Variants in PRKN observed in about 807,000 individuals in gnomAD.
PRKN encodes the protein E3 ubiquitin-protein ligase parkin.
Under a neutral mutation model 59.5 loss-of-function variants are expected in PRKN, and 56 were observed. The ratio of observed to expected loss-of-function variants is 0.94; its 90% confidence interval spans 0.76 to 1.18. PRKN has a LOEUF of 1.18. PRKN is among the 50% of genes most tolerant of loss of function. PRKN has a pLI of 0.00. For missense variants in PRKN, 657 were observed against 596.4 expected (o/e 1.10, Z -1.06); for synonymous variants, 250 against 222.1 (o/e 1.13, Z -1.12).
chr6:161,504,515 C>T (rs904526744), intron 9 of PRKN, among the ~76,000 whole-genome samples: 2 of 127,646 alleles, frequency 1.6e-5, no homozygotes, highest in African/African-American at 6.1e-5. Flanking sequence ...AGACCAAACA[C>T]TGTGAAACTT....
intron 3 of PRKN, among the ~76,000 whole-genome samples, chr6:162,228,841 C>G (rs1367381230): frequency 6.6e-6 from 1 of 152,148 alleles, no homozygotes; most frequent in Non-Finnish European, 1.5e-5. Flanking sequence ...CAAAATCCTT[C>G]CAGATATTTG....
intron 4 of PRKN, among the ~76,000 whole-genome samples, chr6:162,090,309 A>G (rs1196808624): frequency 6.6e-6 from 1 of 152,230 alleles, no homozygotes; most frequent in African/African-American, 2.4e-5. Context: ...CAAGTAACAT[A>G]TAGTTGGCCA....
intron 7 of PRKN, 141 bp downstream of exon 7, chr6:161,785,631 C>T (rs930078315): frequency 3.5e-6 from 3 of 849,586 alleles, no homozygotes; most frequent in South Asian, 2.9e-5. Flanking sequence ...GCGATCCAAA[C>T]ATTAATGTTT....
intron 8 of PRKN, among the ~76,000 whole-genome samples, chr6:161,567,118 A>C (rs1780682678): frequency 6.8e-6 from 1 of 147,182 alleles, no homozygotes; most frequent in Non-Finnish European, 1.5e-5. Flanking sequence ...GGCTCACTGC[A>C]ACCTCCACCT....
At chr6:162,705,067 T>TA (rs1778291329) in intron 1 of PRKN, among the ~76,000 whole-genome samples, 2 of 152,096 alleles carry the variant, frequency 1.3e-5, no homozygotes, top group Admixed American at 1.3e-4. Flanking sequence ...AGCTCAGAAA[T>TA]AAAAAATGTT....
intron 4 of PRKN, among the ~76,000 whole-genome samples, chr6:162,193,178 TTTAA>T (rs1784355536): frequency 6.6e-6 from 1 of 152,202 alleles, no homozygotes; most frequent in Non-Finnish European, 1.5e-5. Context: ...TTCTCTAGAC[TTTAA>T]TTAACTGACA....
chr6:161,663,983 C>T (rs561525695), intron 7 of PRKN, among the ~76,000 whole-genome samples: 29 of 152,302 alleles, frequency 1.9e-4, no homozygotes, highest in African/African-American at 7.0e-4. Flanking sequence ...CCCGGGAGCT[C>T]CGCTAATGCA....
chr6:162,266,290 C>CAT (rs1254610737), intron 2 of PRKN, among the ~76,000 whole-genome samples: 3 of 141,866 alleles, frequency 2.1e-5, no homozygotes, highest in Non-Finnish European at 4.5e-5. Flanking sequence ...ACAGTATATA[C>CAT]ATATATATTG....
intron 4 of PRKN, among the ~76,000 whole-genome samples, chr6:162,135,063 C>A (rs1307797372): frequency 1.3e-5 from 2 of 152,108 alleles, no homozygotes; most frequent in African/African-American, 4.8e-5. Flanking sequence ...GTAGCATCAC[C>A]TTTTACATAA....
chr6:161,717,425 G>C (rs1787031702), intron 7 of PRKN, among the ~76,000 whole-genome samples: 1 of 152,112 alleles, frequency 6.6e-6, no homozygotes, highest in Non-Finnish European at 1.5e-5. Flanking sequence ...GTGCTGTGAA[G>C]ACACTAGAAC....
intron 7 of PRKN, among the ~76,000 whole-genome samples, chr6:161,613,360 C>T (rs188161604): frequency 2.0e-5 from 3 of 147,398 alleles, no homozygotes; most frequent in Non-Finnish European, 3.0e-5. Context: ...CTTATGGATG[C>T]GCAAAGATTT....
At chr6:161,665,642 C>A (rs968001192) in intron 7 of PRKN, among the ~76,000 whole-genome samples, 1 of 152,186 alleles carries the variant, frequency 6.6e-6, no homozygotes, top group Non-Finnish European at 1.5e-5. Flanking sequence ...TCAAAATCTC[C>A]TTTGGAAGTT....
At chr6:161,752,534 AAT>A (rs113714667) in intron 7 of PRKN, among the ~76,000 whole-genome samples, 4 of 151,950 alleles carry the variant, frequency 2.6e-5, no homozygotes, top group African/African-American at 9.7e-5. Flanking sequence ...TCTGCATAAA[AAT>A]ATAACAATTA....
chr6:161,484,730 C>T lies in PRKN; in HGVS notation c.1083+64124G>A, dbSNP rs756654138. Among the ~76,000 whole-genome samples the T allele has an allele frequency of 5.3e-5, 8 of 152,156 alleles. No individual in the cohort carries two copies. The highest frequency in any genetic ancestry group is 2.0e-4 in the Admixed American group (3 of 15,270). On this transcript the variant is annotated intron_variant, in intron 9 of 11. Coordinates refer to ENST00000366898, the MANE Select transcript of PRKN (RefSeq NM_004562.3). This position sits in a 1 kb window ranked among gnomAD's most constrained non-coding sequence, Gnocchi z 4.9. The stretch of plus-strand genomic sequence containing the variant: ...GTTTGGCACCATCCCTGCCTCTACC[C>T]GCTAGATGCTAGAAGCATCCCCCTG...
intron 5 of PRKN, among the ~76,000 whole-genome samples, chr6:162,025,891 T>C (rs1380381486): frequency 1.3e-5 from 2 of 151,990 alleles, no homozygotes; most frequent in African/African-American, 2.4e-5. Context: ...CCCCGGGCCA[T>C]GGTGTGTTTA....
chr6:161,851,439 A>C (rs1293977754), intron 6 of PRKN, among the ~76,000 whole-genome samples: 1 of 152,030 alleles, frequency 6.6e-6, no homozygotes, highest in Non-Finnish European at 1.5e-5. Flanking sequence ...ATGTTTCAGA[A>C]GCTTTTCAAG....
Position 161,487,966 on chromosome 6 carries a change from A to G in PRKN, c.1083+60888T>C, listed in dbSNP as rs116949537. On this transcript the variant is annotated intron_variant, in intron 9 of 11. Coordinates refer to ENST00000366898, the MANE Select transcript of PRKN (RefSeq NM_004562.3). The surrounding 1 kb of genome is among the most constrained non-coding windows in gnomAD (Gnocchi z 5.3). ...TACAAAACTTCTATGACTAAAACCA[A>G]TGAGATTCTCCCATGAAATGGGGTG... Among the ~76,000 whole-genome samples, 830 of 152,338 alleles carry G rather than the reference A, an allele frequency of 5.4e-3. 9 individuals carry two copies. The highest frequency in any genetic ancestry group is 0.024 in the Middle Eastern group (7 of 294).
chr6:162,242,419 T>C (rs781354668), intron 3 of PRKN, among the ~76,000 whole-genome samples: 3 of 152,106 alleles, frequency 2.0e-5, no homozygotes, highest in Non-Finnish European at 2.9e-5. Flanking sequence ...AACCTCTTAG[T>C]AGTCAGAGCG....
chr6:161,532,414 G>T (rs949739726), intron 9 of PRKN, among the ~76,000 whole-genome samples: 2 of 151,928 alleles, frequency 1.3e-5, no homozygotes, highest in Non-Finnish European at 2.9e-5. Flanking sequence ...GAGTGTGGGT[G>T]TATGTATGTA....
Sources: allele counts gnomAD v4.1 joint callset (sites outside exome capture counted in the v4.1 genomes callset), GRCh38; gene constraint gnomAD v4.1.1; non-coding constraint Gnocchi (gnomAD v3.1); transcripts MANE v1.5; gene names NCBI Gene and HGNC (gene_info 2026-07-23, HGNC 2026-07-21).